KCNV2: variants seen among roughly 807,000 people sequenced by gnomAD.
KCNV2 encodes the protein potassium voltage-gated channel subfamily V member 2.
Under a neutral mutation model 37.0 loss-of-function variants are expected in KCNV2, and 65 were observed. That is an observed-to-expected ratio of 1.76 (90% CI 1.44 to 2.16). The LOEUF (loss-of-function observed/expected upper bound fraction) is 2.16, where lower values mean the gene tolerates loss of function less well. Among genes scored for constraint, KCNV2 ranks in the 30% most tolerant of loss-of-function variants. KCNV2 has a pLI of 0.00. For synonymous variants in KCNV2, 518 were observed against 328.6 expected (o/e 1.58, Z -6.23); for missense variants, 1,232 against 766.7 (o/e 1.61, Z -7.17).
At position 2,718,871 on chromosome 9, in the gene KCNV2, G is replaced by T. The variant is rs752928296; in HGVS notation, c.1132G>T (p.Val378Phe). ...SVGKVGQVLR[V>F]MRLMRIFRIL... ...GGGTAAGGTGGGTCAGGTGTTGCGC[G>T]TCATGCGCCTCATGCGCATCTTCCG... Residue 378 changes from valine to phenylalanine, a missense_variant, in exon 1 of 2, where the codon GTC becomes TTC. Val to Phe is a conservative substitution (Grantham distance 50). Transcript: ENST00000382082. The T allele has an allele frequency of 7.5e-6, 12 of 1,608,864 alleles. No individual in the cohort carries two copies. The Admixed American group carries it at 2.0e-4, about 27-fold the overall frequency.
rs1179870364 is a variant in KCNV2 at position 2,718,060 on chromosome 9, C to A, written c.321C>A (p.Ser107Arg). 6.2e-7 allele frequency: 1 copy of A among 1,607,302 alleles called. No individual in the cohort carries two copies. The highest frequency in any genetic ancestry group is 2.2e-5 in the East Asian group (1 of 44,662). Residue 107 changes from serine to arginine, a missense_variant, in exon 1 of 2, where the codon AGC becomes AGA. Transcript: ENST00000382082. ...TGAATGTGAACGTGGGTGGCCACAG[C>A]TACCAGCTGGACTACTGCGAGCTGG... is the stretch of plus-strand genomic sequence containing the variant. ...STLNVNVGGHSYQLDYCELAG... is the reference protein window; with the variant it reads ...STLNVNVGGHRYQLDYCELAG...
chr9:2,722,486 A>G (rs1327344009), intron 1 of KCNV2, among the ~76,000 whole-genome samples: 2 of 137,964 alleles, frequency 1.4e-5, no homozygotes, highest in Admixed American at 7.2e-5. Context: ...TTATTTATAA[A>G]TAGAAGTTAT....
chr9:2,730,030 G>T lies in KCNV2; in HGVS notation c.*303G>T. ...GGCATCTAGCTCAATAAATATTTTTGGACTTGAGTTGACTTGAGAAAATTT... is the reference window on the plus strand; with the variant it reads ...GGCATCTAGCTCAATAAATATTTTTTGACTTGAGTTGACTTGAGAAAATTT... On this transcript the variant is annotated 3_prime_UTR_variant, in exon 2 of 2. Transcript: ENST00000382082. The T allele has an allele frequency of 6.4e-6, 2 of 311,110 alleles. No individual in the cohort carries two copies. Among genetic ancestry groups the T allele is most frequent in the Admixed American group, 4.5e-5 (1 of 22,172 alleles). The allele number at this position is 311,110 out of a possible 1,614,324, so 19.3% of individuals were successfully genotyped here.
chr9:2,717,667 T>G lies in KCNV2; in HGVS notation c.-73T>G. 1.3e-6 allele frequency: 2 copies of G among 1,595,446 alleles called. No individual in the cohort carries two copies. The highest frequency in any genetic ancestry group is 1.7e-6 in the Non-Finnish European group (2 of 1,164,520). ...GTGCAGGCCACGTGATCCATCCTCC[T>G]AGAGGCAGTGAGCAGGTGAGGGACC... On this transcript the variant is annotated 5_prime_UTR_variant, in exon 1 of 2. Transcript: ENST00000382082.
At position 2,717,531 on chromosome 9, in the gene KCNV2, C is replaced by T. The variant is rs1819750702; in HGVS notation, c.-209C>T. ...GATTAGAGCAGTCAACAGCTGACTGCGTTCAGACCCTGCAGGCTGGGCTGG... is the reference window on the plus strand; with the variant it reads ...GATTAGAGCAGTCAACAGCTGACTGTGTTCAGACCCTGCAGGCTGGGCTGG... On this transcript the variant is annotated 5_prime_UTR_variant, in exon 1 of 2. Transcript: ENST00000382082. 1 of 606,856 alleles carries T rather than the reference C, an allele frequency of 1.6e-6. No homozygotes were observed. Among genetic ancestry groups the T allele is most frequent in the South Asian group, 1.9e-5 (1 of 51,326 alleles). 37.6% of individuals were successfully genotyped at this position (606,856 alleles called of 1,614,324 possible). A position where few individuals can be genotyped will look rare whatever the true frequency, so the allele number is the denominator to read the frequency against.
At chr9:2,721,399 C>A (rs1161770637) in intron 1 of KCNV2, among the ~76,000 whole-genome samples, 1 of 152,296 alleles carries the variant, frequency 6.6e-6, no homozygotes, top group East Asian at 1.9e-4. Flanking sequence ...CAGTTCTTCT[C>A]TGTACTTCTA....
chr9:2,728,348 A>C (rs1034551492), intron 1 of KCNV2, among the ~76,000 whole-genome samples: 3 of 152,238 alleles, frequency 2.0e-5, no homozygotes, highest in Non-Finnish European at 4.4e-5. Context: ...AATGTTTACA[A>C]CTGTGACCAA....
chr9:2,720,776 C>T (rs1204630925), intron 1 of KCNV2, among the ~76,000 whole-genome samples: 4 of 152,270 alleles, frequency 2.6e-5, no homozygotes, highest in African/African-American at 4.8e-5. Context: ...AAAGTTTTTT[C>T]GACCTTTTGT....
intron 1 of KCNV2, among the ~76,000 whole-genome samples, chr9:2,728,901 AAAAG>A (rs1328299175): frequency 1.3e-5 from 2 of 151,686 alleles, no homozygotes; most frequent in Non-Finnish European, 2.9e-5. Context: ...AAAAAAGAAA[AAAAG>A]AAAAAGAGAG....
chr9:2,719,299 T>G (rs993732402), intron 1 of KCNV2, among the ~76,000 whole-genome samples: 1 of 152,178 alleles, frequency 6.6e-6, no homozygotes, highest in African/African-American at 2.4e-5. Flanking sequence ...GTAAGTGAAT[T>G]TGACTTAGTC....
chr9:2,728,230 G>A (rs991831061), intron 1 of KCNV2, among the ~76,000 whole-genome samples: 1 of 152,120 alleles, frequency 6.6e-6, no homozygotes, highest in Non-Finnish European at 1.5e-5. Flanking sequence ...CCTCAGCACG[G>A]ATCAACAAGA....
rs571461805 is a variant in KCNV2 at position 2,717,671 on chromosome 9, G to A, written c.-69G>A. 5.8e-4 allele frequency: 929 copies of A among 1,597,512 alleles called. No individual in the cohort carries two copies. The highest frequency in any genetic ancestry group is 7.3e-4 in the Non-Finnish European group (853 of 1,166,092). On this transcript the variant is annotated 5_prime_UTR_variant, in exon 1 of 2. Coordinates refer to ENST00000382082, the MANE Select transcript of KCNV2 (RefSeq NM_133497.4). ...AGGCCACGTGATCCATCCTCCTAGA[G>A]GCAGTGAGCAGGTGAGGGACCCCTA... is the stretch of plus-strand genomic sequence containing the variant.
At chr9:2,728,491 T>A (rs1820004469) in intron 1 of KCNV2, among the ~76,000 whole-genome samples, 1 of 152,196 alleles carries the variant, frequency 6.6e-6, no homozygotes, top group South Asian at 2.1e-4. Flanking sequence ...AGTCCCATGG[T>A]ATCTGCATTT....
intron 1 of KCNV2, 114 bp downstream of exon 1, chr9:2,719,209 C>CA (rs1554628808): frequency 8.5e-7 from 1 of 1,180,814 alleles, no homozygotes; most frequent in South Asian, 1.3e-5. Context: ...TCTTCCCCCC[C>CA]ACCCCCAATC....
chr9:2,717,980 G>T lies in KCNV2; in HGVS notation c.241G>T (p.Val81Phe), dbSNP rs778654754. 6 of 1,614,014 alleles carry T rather than the reference G, an allele frequency of 3.7e-6. No homozygotes were observed. The highest frequency in any genetic ancestry group is 5.1e-6 in the Non-Finnish European group (6 of 1,180,030). The change falls in exon 1 of 2, where the codon GTC becomes TTC. Residue 81 changes from valine (V) to phenylalanine (F), a missense_variant. Val to Phe is a conservative substitution (Grantham distance 50, BLOSUM62 -1). Transcript: ENST00000382082. ...LAEEDQQAGE[V>F]TTAKPEGPSD... ...AGAAGAGGACCAGCAGGCAGGGGAG[G>T]TCACCACCGCCAAGCCCGAGGGCCC... is the stretch of plus-strand genomic sequence containing the variant.
intron 1 of KCNV2, among the ~76,000 whole-genome samples, chr9:2,719,889 G>C (rs1219160244): frequency 2.6e-5 from 4 of 152,162 alleles, no homozygotes; most frequent in African/African-American, 7.2e-5. Flanking sequence ...GTTATTTTTT[G>C]TCATTGTTTT....
intron 1 of KCNV2, among the ~76,000 whole-genome samples, chr9:2,719,787 C>G (rs927519699): frequency 6.6e-6 from 1 of 152,254 alleles, no homozygotes; most frequent in African/African-American, 2.4e-5. Flanking sequence ...TGTCCATCTC[C>G]AAACTCCATG....
At position 2,726,750 on chromosome 9, in the gene KCNV2, C is replaced by T. The variant is rs113477531; in HGVS notation, c.1357-2696C>T. On this transcript the variant is annotated intron_variant, in intron 1 of 1. Coordinates refer to ENST00000382082, the MANE Select transcript of KCNV2 (RefSeq NM_133497.4). ...ACTTGTCTGTGGCCTGTTAGGAACC[C>T]GGCCACACAGCAGGAGATGAGTGGA... 1.4e-3 allele frequency among the ~76,000 whole-genome samples: 213 copies of T among 152,166 alleles called. 2 individuals are homozygous for T. The highest frequency in any genetic ancestry group is 3.4e-3 in the Middle Eastern group (1 of 294).
At chr9:2,721,740 T>G (rs1819873190) in intron 1 of KCNV2, among the ~76,000 whole-genome samples, 1 of 152,128 alleles carries the variant, frequency 6.6e-6, no homozygotes, top group Non-Finnish European at 1.5e-5. Flanking sequence ...TTTCAGGTAT[T>G]GGCATAGCTT....
Sources: gnomAD v4.1 joint callset for allele counts (sites outside exome capture counted in the v4.1 genomes callset) on GRCh38, gnomAD v4.1.1 for gene constraint, MANE v1.5 for transcripts, NCBI Gene and HGNC (gene_info 2026-07-23, HGNC 2026-07-21) for gene names.